Variants in HCN1 observed in about 807,000 individuals in gnomAD.
HCN1 encodes the protein hyperpolarization activated cyclic nucleotide gated potassium channel 1, also known as potassium/sodium hyperpolarization-activated cyclic nucleotide-gated channel 1.
In HCN1, 13 loss-of-function variants were observed where a neutral mutation model predicts 78.9. The ratio of observed to expected loss-of-function variants is 0.16; its 90% CI spans 0.11 to 0.26. The LOEUF (loss-of-function observed/expected upper bound fraction) is 0.26, where lower values mean the gene tolerates loss of function less well. HCN1 is among the 10% of genes least tolerant of loss of function. The pLI, the probability that HCN1 is intolerant of heterozygous loss-of-function variation, is 1.00. For synonymous variants in HCN1, 552 were observed against 455.5 expected (o/e 1.21, Z -2.70); for missense variants, 810 against 1,154.3 (o/e 0.70, Z 4.32).
intron 4 of HCN1, among the ~76,000 whole-genome samples, chr5:45,365,494 A>C (rs1470048235): frequency 2.6e-5 from 4 of 151,800 alleles, no homozygotes; most frequent in Non-Finnish European, 5.9e-5. Flanking sequence ...ATGGCCTCAA[A>C]CTCCACTTTG....
chr5:45,367,014 C>A (rs1747252137), intron 4 of HCN1, among the ~76,000 whole-genome samples: 1 of 151,636 alleles, frequency 6.6e-6, no homozygotes, highest in Admixed American at 6.6e-5. Context: ...CAACATAAAT[C>A]AATTTGAATT....
intron 5 of HCN1, among the ~76,000 whole-genome samples, chr5:45,333,658 T>C (rs940172223): frequency 1.3e-5 from 2 of 151,860 alleles, no homozygotes; most frequent in African/African-American, 4.8e-5. Context: ...GATTTGATTT[T>C]TGTATATGGC....
chr5:45,340,312 C>T (rs985760229), intron 5 of HCN1, among the ~76,000 whole-genome samples: 4 of 152,208 alleles, frequency 2.6e-5, no homozygotes, highest in African/African-American at 9.6e-5. Context: ...TAGAAGAATA[C>T]TTCCCATTTA....
chr5:45,471,547 T>C lies in HCN1; in HGVS notation c.850-9540A>G, dbSNP rs573520351. 2.6e-5 allele frequency among the ~76,000 whole-genome samples: 4 copies of C among 152,056 alleles called. No individual in the cohort carries two copies. The South Asian group carries it at 8.3e-4, about 32-fold the overall frequency. On this transcript the variant is annotated intron_variant, in intron 2 of 7. Transcript: ENST00000303230. ...AGTTCCTTGCATTTGTTTCCTTTTG[T>C]TTTATAGATGTATTCCTTTACTCAC... is the stretch of plus-strand genomic sequence containing the variant.
intron 6 of HCN1, among the ~76,000 whole-genome samples, chr5:45,275,916 T>C (rs891052290): frequency 6.6e-6 from 1 of 152,130 alleles, no homozygotes; most frequent in Non-Finnish European, 1.5e-5. Flanking sequence ...AGCACTCAAG[T>C]CGTCAAAAGT....
chr5:45,666,848 A>G (rs1459518181), intron 1 of HCN1, among the ~76,000 whole-genome samples: 3 of 152,026 alleles, frequency 2.0e-5, no homozygotes, highest in African/African-American at 7.2e-5. Context: ...CTGTTCCTTG[A>G]ATATTTTATT....
Position 45,461,894 on chromosome 5 carries a change from T to C in HCN1, c.963A>G (p.Leu321=). The C allele has an allele frequency of 1.2e-6, 2 of 1,613,440 alleles. No homozygotes were observed. The highest frequency in any genetic ancestry group is 1.7e-6 in the Non-Finnish European group (2 of 1,179,552). ...WDGCLQFLVP[L]LQDFPPDCWV... Reference sequence around the variant, plus strand: ...AGCAATCTGGTGGGAAGTCCTGCAGTAGTGGTACTAAGAACTGAAGACAAC... The same window carrying C: ...AGCAATCTGGTGGGAAGTCCTGCAGCAGTGGTACTAAGAACTGAAGACAAC... The change falls in exon 3 of 8, where the codon CTA becomes CTG. Residue 321 remains leucine (L), a synonymous_variant. Transcript: ENST00000303230.
At chr5:45,613,384 C>T (rs1354460680) in intron 2 of HCN1, among the ~76,000 whole-genome samples, 1 of 151,934 alleles carries the variant, frequency 6.6e-6, no homozygotes, top group Non-Finnish European at 1.5e-5. Context: ...TGTGCCACAT[C>T]AGAGAAATGC....
intron 3 of HCN1, among the ~76,000 whole-genome samples, chr5:45,433,544 C>G (rs1370544077): frequency 6.6e-6 from 1 of 151,594 alleles, no homozygotes; most frequent in African/African-American, 2.4e-5. Flanking sequence ...CACTCTGTGC[C>G]TTTTAATTTG....
intron 4 of HCN1, among the ~76,000 whole-genome samples, chr5:45,365,601 T>C (rs1413343575): frequency 1.3e-5 from 2 of 151,958 alleles, no homozygotes; most frequent in African/African-American, 4.8e-5. Flanking sequence ...TGGTGGATAC[T>C]TATGTTGGTT....
chr5:45,577,771 T>C (rs1234858324), intron 2 of HCN1, among the ~76,000 whole-genome samples: 1 of 152,102 alleles, frequency 6.6e-6, no homozygotes, highest in Non-Finnish European at 1.5e-5. Context: ...TTCTTATACT[T>C]GAGGTTTTAT....
At position 45,373,313 on chromosome 5, in the gene HCN1, A is replaced by G. The variant is rs1230292341; in HGVS notation, c.1231-20067T>C. 4.9e-5 allele frequency among the ~76,000 whole-genome samples: 6 copies of G among 121,390 alleles called. No individual in the cohort carries two copies. In the South Asian group the frequency reaches 1.4e-3, roughly 29 times the overall value. The allele number at this position is 121,390 out of a possible 152,430, so 79.6% of individuals were successfully genotyped here. On this transcript the variant is annotated intron_variant, in intron 4 of 7. Transcript: ENST00000303230. The stretch of plus-strand genomic sequence containing the variant: ...ATTATATATATTTTATATACTATAT[A>G]TAAAATATATATTTCATATATTTAA...
chr5:45,292,708 T>A (rs892525126), intron 6 of HCN1, among the ~76,000 whole-genome samples: 1 of 151,896 alleles, frequency 6.6e-6, no homozygotes, highest in Non-Finnish European at 1.5e-5. Flanking sequence ...TTAAAGTGAA[T>A]GGGATGCTTC....
intron 3 of HCN1, among the ~76,000 whole-genome samples, chr5:45,421,537 C>T (rs374026269): frequency 6.6e-6 from 1 of 151,796 alleles, no homozygotes; most frequent in African/African-American, 2.4e-5. Flanking sequence ...GCTTATTAAC[C>T]TTTACATAAA....
chr5:45,569,516 G>A (rs923617570), intron 2 of HCN1, among the ~76,000 whole-genome samples: 1 of 151,986 alleles, frequency 6.6e-6, no homozygotes, highest in Admixed American at 6.6e-5. Flanking sequence ...ACTTTAGGGT[G>A]TAACATTTCA....
rs893504412 is a variant in HCN1 at position 45,279,956 on chromosome 5, T to A, written c.1619-12703A>T. Among the ~76,000 whole-genome samples the A allele has an allele frequency of 2.0e-5, 3 of 151,866 alleles. No homozygotes were observed. In the East Asian group the frequency reaches 5.8e-4, roughly 29 times the overall value. ...CCAACTCCCTCACTTTCCTGAGGAG[T>A]CTAAACAAAAACATCCTCTAGAACT... On this transcript the variant is annotated intron_variant, in intron 6 of 7. Transcript: ENST00000303230.
intron 2 of HCN1, among the ~76,000 whole-genome samples, chr5:45,491,497 T>G (rs1741885782): frequency 6.6e-6 from 1 of 152,180 alleles, no homozygotes; most frequent in Non-Finnish European, 1.5e-5. Context: ...TGTCCAAACC[T>G]TTGCCACTTT....
Position 45,586,029 on chromosome 5 carries a change from A to T in HCN1, c.849+59156T>A, listed in dbSNP as rs182184840. On this transcript the variant is annotated intron_variant, in intron 2 of 7. Coordinates refer to ENST00000303230, the MANE Select transcript of HCN1 (RefSeq NM_021072.4). Reference sequence around the variant, plus strand: ...CTCAGATCTTCAGCTGCATGCTGGGAGAACCACTACTCTCTTCGAAGCTGT... The same window carrying T: ...CTCAGATCTTCAGCTGCATGCTGGGTGAACCACTACTCTCTTCGAAGCTGT... 1.6e-3 allele frequency among the ~76,000 whole-genome samples: 242 copies of T among 152,238 alleles called. 3 individuals carry two copies. Among genetic ancestry groups the T allele is most frequent in the African/African-American group, 5.8e-3 (239 of 41,550 alleles).
chr5:45,556,689 T>TA (rs1467636673), intron 2 of HCN1, among the ~76,000 whole-genome samples: 1 of 151,988 alleles, frequency 6.6e-6, no homozygotes, highest in Non-Finnish European at 1.5e-5. Context: ...AATTGCCTCT[T>TA]ACTGCTTTCA....
Sources: allele counts gnomAD v4.1 joint callset (sites outside exome capture counted in the v4.1 genomes callset), GRCh38; gene constraint gnomAD v4.1.1; transcripts MANE v1.5; gene names NCBI Gene and HGNC (gene_info 2026-07-23, HGNC 2026-07-21).